The following CSMD1 variants were observed in gnomAD, a reference collection of about 807,000 sequenced individuals.
The protein encoded by CSMD1 is CUB and sushi domain-containing protein 1.
Under a neutral mutation model 417.5 loss-of-function variants are expected in CSMD1, and 213 were observed. The observed-to-expected ratio is 0.51, with a 90% confidence interval of 0.46 to 0.57. The LOEUF (loss-of-function observed/expected upper bound fraction) is 0.57. CSMD1 is among the 20% of genes least tolerant of loss of function. The probability of loss-of-function intolerance (pLI) is 0.00; values close to 1 mark genes in which losing one functional copy is unlikely to be tolerated. For missense variants in CSMD1, 6,923 were observed against 4,529.7 expected, an observed-to-expected ratio of 1.53 and a Z score of -15.17; for synonymous variants, 2,862 against 1,736.8, an observed-to-expected ratio of 1.65 and a Z score of -16.11.
intron 5 of CSMD1, among the ~76,000 whole-genome samples, chr8:3,779,458 T>G (rs535040753): frequency 1.3e-5 from 2 of 152,316 alleles, no homozygotes; most frequent in East Asian, 3.9e-4. Context: ...TTTAAAATTT[T>G]AGACATCTTA....
At chr8:3,990,102 G>T (rs376667001) in intron 5 of CSMD1, among the ~76,000 whole-genome samples, 1 of 152,222 alleles carries the variant, frequency 6.6e-6, no homozygotes, top group East Asian at 1.9e-4. Flanking sequence ...AAGGCAGAGT[G>T]TTTTTAAATG....
At chr8:3,776,037 G>C (rs13439130) in intron 5 of CSMD1, among the ~76,000 whole-genome samples, 4,283 of 152,236 alleles carry the variant, frequency 0.028, 177 homozygotes, top group African/African-American at 0.098. Flanking sequence ...TATTCCATGT[G>C]CTGGAGCCAC....
chr8:3,814,798 C>T (rs369786275), intron 5 of CSMD1, among the ~76,000 whole-genome samples: 10 of 152,230 alleles, frequency 6.6e-5, no homozygotes, highest in South Asian at 4.2e-4. Context: ...TTATTCGTCA[C>T]GGTGTGATTA....
At chr8:3,931,615 T>C (rs1440110592) in intron 5 of CSMD1, among the ~76,000 whole-genome samples, 1 of 149,634 alleles carries the variant, frequency 6.7e-6, no homozygotes, top group South Asian at 2.2e-4. Flanking sequence ...CGCCAAGAGT[T>C]AGAGACAGAG....
At chr8:3,510,195 G>C (rs1037380927) in intron 10 of CSMD1, among the ~76,000 whole-genome samples, 10 of 149,726 alleles carry the variant, frequency 6.7e-5, no homozygotes, top group African/African-American at 2.3e-4. Flanking sequence ...GTGCTGTACT[G>C]TGGGGCTGGA....
intron 1 of CSMD1, among the ~76,000 whole-genome samples, chr8:4,916,893 T>C (rs1186189721): frequency 6.6e-6 from 1 of 152,216 alleles, no homozygotes; most frequent in Non-Finnish European, 1.5e-5. Flanking sequence ...AGCATTACAG[T>C]TTTTGACTGG....
rs1299936803 is a variant in CSMD1, at chr8:3,260,587, C to G, written c.4153+23557G>C. On this transcript the variant is annotated intron_variant, in intron 26 of 69. Transcript: ENST00000635120. ...GAGAGGGTCCACCGAGAACAAACCCCCCTCGAAGAGCAGAGGCTGAGGATG... is the reference window on the plus strand; with the variant it reads ...GAGAGGGTCCACCGAGAACAAACCCGCCTCGAAGAGCAGAGGCTGAGGATG... 2.6e-5 allele frequency among the ~76,000 whole-genome samples: 4 copies of G among 151,694 alleles called. No homozygotes were observed. In the South Asian group the frequency reaches 6.3e-4, roughly 24 times the overall value.
At chr8:4,695,104 C>G (rs995798178) in intron 1 of CSMD1, among the ~76,000 whole-genome samples, 2 of 151,238 alleles carry the variant, frequency 1.3e-5, no homozygotes, top group Non-Finnish European at 1.5e-5. Context: ...ATCACTTAAG[C>G]CTGGGGTCTG....
chr8:3,702,786 C>A (rs574971392), intron 7 of CSMD1, among the ~76,000 whole-genome samples: 1 of 152,140 alleles, frequency 6.6e-6, no homozygotes, highest in Non-Finnish European at 1.5e-5. Flanking sequence ...TAGCTGAGAT[C>A]GCACCACACT....
chr8:4,052,392 G>A (rs534548223), intron 3 of CSMD1, among the ~76,000 whole-genome samples: 27 of 152,290 alleles, frequency 1.8e-4, no homozygotes, highest in African/African-American at 6.3e-4. Flanking sequence ...AATTGGCAAA[G>A]ACCTATTTCT....
chr8:3,337,576 G>C (rs1439284664), intron 23 of CSMD1, among the ~76,000 whole-genome samples: 2 of 152,216 alleles, frequency 1.3e-5, no homozygotes, highest in Non-Finnish European at 2.9e-5. Context: ...TCAATGCTAT[G>C]TCTAATGCTG....
chr8:3,142,839 G>C (rs138718202), intron 40 of CSMD1, among the ~76,000 whole-genome samples, 165 bp from the exon 41 acceptor site: 1 of 152,320 alleles, frequency 6.6e-6, no homozygotes, highest in East Asian at 1.9e-4. Flanking sequence ...AGCAAACCCT[G>C]GCTCCATCTT....
intron 3 of CSMD1, among the ~76,000 whole-genome samples, chr8:4,248,147 T>A (rs965826214): frequency 1.3e-5 from 2 of 152,164 alleles, no homozygotes; most frequent in African/African-American, 4.8e-5. Context: ...ATTTTGTAAT[T>A]AGAAGAAAAA....
chr8:4,045,509 C>G (rs563143191), intron 3 of CSMD1, among the ~76,000 whole-genome samples: 2 of 152,284 alleles, frequency 1.3e-5, no homozygotes, highest in South Asian at 4.1e-4. Flanking sequence ...AGACCAGATC[C>G]AGGGACATCA....
chr8:4,824,141 T>C (rs1280072654), intron 1 of CSMD1, among the ~76,000 whole-genome samples: 1 of 150,588 alleles, frequency 6.6e-6, no homozygotes, highest in Non-Finnish European at 1.5e-5. Flanking sequence ...TGTAAGGAAA[T>C]GGGGAAAAAC....
At chr8:4,372,053 G>A (rs1046133724) in intron 3 of CSMD1, among the ~76,000 whole-genome samples, 2 of 152,214 alleles carry the variant, frequency 1.3e-5, no homozygotes, top group African/African-American at 4.8e-5. Context: ...GGTCTGGGGT[G>A]AACATGGCAG....
intron 2 of CSMD1, among the ~76,000 whole-genome samples, chr8:4,574,423 C>A (rs549133248): frequency 2.0e-5 from 3 of 152,158 alleles, no homozygotes; most frequent in African/African-American, 7.2e-5. Context: ...AATGCCCCAC[C>A]CTTCTTCTGC....
intron 3 of CSMD1, among the ~76,000 whole-genome samples, chr8:4,115,571 A>C (rs1802090850): frequency 6.6e-6 from 1 of 152,200 alleles, no homozygotes; most frequent in South Asian, 2.1e-4. Flanking sequence ...TTGGCTAATA[A>C]GGAACTTAAC....
intron 6 of CSMD1, among the ~76,000 whole-genome samples, chr8:3,728,131 G>C (rs751946667): frequency 1.3e-5 from 2 of 152,158 alleles, no homozygotes; most frequent in African/African-American, 2.4e-5. Flanking sequence ...TGCGATGGGA[G>C]GGACCCAGTG....
Sources: gnomAD v4.1 joint callset for allele counts (sites outside exome capture counted in the v4.1 genomes callset) on GRCh38, gnomAD v4.1.1 for gene constraint, MANE v1.5 for transcripts, NCBI Gene and HGNC (gene_info 2026-07-23, HGNC 2026-07-21) for gene names.